Variants in ECE2 observed in about 807,000 individuals in gnomAD.
ECE2 encodes the protein endothelin-converting enzyme 2.
ECE2 carries 81 observed loss-of-function variants against 100.6 expected under a neutral mutation model. The ratio of observed to expected loss-of-function variants is 0.81; its 90% confidence interval spans 0.67 to 0.97. The LOEUF (loss-of-function observed/expected upper bound fraction) is 0.97. ECE2 is among the 50% of genes least tolerant of loss of function. The pLI is 0.00. For synonymous variants in ECE2, 391 were observed against 391.5 expected, an observed-to-expected ratio of 1.00 and a Z score of 0.02; for missense variants, 911 against 988.1, an observed-to-expected ratio of 0.92 and a Z score of 1.05.
chr3:184,291,123 A>G lies in ECE2; in HGVS notation c.1918A>G (p.Met640Val), dbSNP rs1356035217. ...AGCCTTCCGGAACCACACGGCCTGC[A>G]TGGAGGAACAGTACAATCAATACCA... ...LAAFRNHTAC[M>V]EEQYNQYQVN... The change falls in exon 17 of 19, where the codon ATG becomes GTG. Residue 640 changes from methionine to valine, a missense_variant. Physicochemically the swap from Met to Val is conservative, Grantham distance 21. Transcript: ENST00000404464. This position sits in a 1 kb window ranked among gnomAD's most constrained non-coding sequence, Gnocchi z 4.1. 1 of 1,612,182 alleles carries G rather than the reference A, an allele frequency of 6.2e-7. No individual in the cohort carries two copies.
rs1720974653 is a variant in ECE2 at position 184,285,072 on chromosome 3, A to G, written c.1115A>G (p.Gln372Arg). 1.2e-6 allele frequency: 2 copies of G among 1,614,196 alleles called. No individual in the cohort carries two copies. The highest frequency in any genetic ancestry group is 1.7e-6 in the Non-Finnish European group (2 of 1,180,030). ...GTGTATGGGATGGATTATTTGCAGC[A>G]GGTGTCAGAGCTCATCAACCGCACG... ...VVVYGMDYLQ[Q>R]VSELINRTEP... The change falls in exon 9 of 19, where the codon CAG becomes CGG. Residue 372 changes from glutamine (Q) to arginine (R), a missense_variant. Physicochemically the swap from Gln to Arg is conservative, Grantham distance 43. Coordinates refer to ENST00000404464, the MANE Select transcript of ECE2 (RefSeq NM_001100121.2).
intron 8 of ECE2, 123 bp downstream of exon 8, chr3:184,284,096 G>T: frequency 8.2e-7 from 1 of 1,223,742 alleles, no homozygotes; most frequent in Middle Eastern, 2.8e-4. Context: ...GCTTTTCTGT[G>T]CTCCCCAGCT....
At chr3:184,278,606 C>T in intron 7 of ECE2, 49 bp downstream of exon 7, 2 of 1,596,812 alleles carry the variant, frequency 1.3e-6, no homozygotes, top group South Asian at 1.1e-5. Flanking sequence ...CTGAGCTGGG[C>T]TGATCCCTGT....
chr3:184,277,290 G>A lies in ECE2; in HGVS notation c.302G>A (p.Arg101Gln), dbSNP rs376290550. ...ACCTGCCTTACAGAGGCCTGCATTC[G>A]AGTGGCTGGAAAAATCCTGGAGTCC... The part of the protein sequence containing the change: ...HSTCLTEACI[R>Q]VAGKILESLD... The change falls in exon 4 of 19, where the codon CGA (arginine) becomes CAA (glutamine). Residue 101 changes from arginine (R) to glutamine (Q), a missense_variant. Transcript: ENST00000404464. The A allele has an allele frequency of 5.4e-5, 87 of 1,614,074 alleles. 1 individual carries two copies. Among genetic ancestry groups the A allele is most frequent in the Middle Eastern group, 3.3e-4 (2 of 6,084 alleles).
At chr3:184,287,560 T>A (rs1721112425) in intron 10 of ECE2, among the ~76,000 whole-genome samples, 1 of 152,092 alleles carries the variant, frequency 6.6e-6, no homozygotes, top group Admixed American at 6.6e-5. Flanking sequence ...CTGGGTGTGG[T>A]GGCATGTGCC....
Position 184,291,667 on chromosome 3 carries a change from A to G in ECE2, c.2121+228A>G. On this transcript the variant is annotated intron_variant, in intron 18 of 18. Coordinates refer to ENST00000404464, the MANE Select transcript of ECE2 (RefSeq NM_001100121.2). This position sits in a 1 kb window ranked among gnomAD's most constrained non-coding sequence, Gnocchi z 4.1. Reference sequence around the variant, plus strand: ...GGAGAATGCCTTGGTAGGATTTCGCATAGTTCAAAGGGCAAGGTTGTCGTG... The same window carrying G: ...GGAGAATGCCTTGGTAGGATTTCGCGTAGTTCAAAGGGCAAGGTTGTCGTG... The G allele has an allele frequency of 1.9e-6, 1 of 525,434 alleles. No homozygotes were observed. Among genetic ancestry groups the G allele is most frequent in the Non-Finnish European group, 3.3e-6 (1 of 299,712 alleles). 32.5% of individuals were successfully genotyped at this position (525,434 alleles called of 1,614,324 possible).
Position 184,291,371 on chromosome 3 carries a change from G to A in ECE2, c.2053G>A (p.Gly685Arg). The change falls in exon 18 of 19, where the codon GGG becomes AGG. Residue 685 changes from glycine to arginine, a missense_variant. Coordinates refer to ENST00000404464, the MANE Select transcript of ECE2 (RefSeq NM_001100121.2). The surrounding 1 kb of genome is among the most constrained non-coding windows in gnomAD (Gnocchi z 4.1). Reference sequence around the variant, plus strand: ...TTACAAAGCATGGCTGAGAAAGCATGGGGAGGAGCAGCAACTGCCAGCCGT... The same window carrying A: ...TTACAAAGCATGGCTGAGAAAGCATAGGGAGGAGCAGCAACTGCCAGCCGT... ...NAYKAWLRKH[G>R]EEQQLPAVGL... is the part of the protein sequence containing the mutation. 1 of 1,609,042 alleles carries A rather than the reference G, an allele frequency of 6.2e-7. No homozygotes were observed. Among genetic ancestry groups the A allele is most frequent in the East Asian group, 2.2e-5 (1 of 44,868 alleles).
At position 184,291,518 on chromosome 3, in the gene ECE2, G is replaced by A; in HGVS notation, c.2121+79G>A. 2 of 1,335,870 alleles carry A rather than the reference G, an allele frequency of 1.5e-6. No homozygotes were observed. The highest frequency in any genetic ancestry group is 2.5e-5 in the East Asian group (1 of 39,498). 82.8% of individuals were successfully genotyped at this position (1,335,870 alleles called of 1,614,324 possible). On this transcript the variant is annotated intron_variant, in intron 18 of 18. Transcript: ENST00000404464. This position sits in a 1 kb window ranked among gnomAD's most constrained non-coding sequence, Gnocchi z 4.1. The stretch of plus-strand genomic sequence containing the variant: ...AGTATGTCATTAGGAGAACTCTGGG[G>A]CACGTGTCAAACGGGCTGGTGAATG...
chr3:184,290,538 C>A lies in ECE2; in HGVS notation c.1656-19C>A. On this transcript the variant is annotated intron_variant, in intron 14 of 18. Coordinates refer to ENST00000404464, the MANE Select transcript of ECE2 (RefSeq NM_001100121.2). Reference sequence around the variant, plus strand: ...TCAGGAGAGTCGGGAGCCTCAGCCCCTCACTCTTCCTCCGCCAGGTGGAGC... The same window carrying A: ...TCAGGAGAGTCGGGAGCCTCAGCCCATCACTCTTCCTCCGCCAGGTGGAGC... 6.2e-7 allele frequency: 1 copy of A among 1,611,326 alleles called. No individual in the cohort carries two copies. Among genetic ancestry groups the A allele is most frequent in the Non-Finnish European group, 8.5e-7 (1 of 1,177,924 alleles).
intron 7 of ECE2, among the ~76,000 whole-genome samples, chr3:184,280,847 C>T (rs551414640): frequency 9.9e-5 from 15 of 152,074 alleles, no homozygotes; most frequent in African/African-American, 2.2e-4. Context: ...GACGTGGTGG[C>T]GGGTGCCTGT....
Position 184,291,565 on chromosome 3 carries a change from AG to A in ECE2, c.2121+128del. On this transcript the variant is annotated intron_variant, in intron 18 of 18. Transcript: ENST00000404464. The surrounding 1 kb of genome is among the most constrained non-coding windows in gnomAD (Gnocchi z 4.1). ...AATGGGGCTGAGGCTGGGGCATGAA[AG>A]GTGGGCTGGGAAGGCCCATGCCCAG... The A allele has an allele frequency of 1.0e-6, 1 of 1,001,424 alleles. No homozygotes were observed. The highest frequency in any genetic ancestry group is 3.3e-5 in the Admixed American group (1 of 30,016). 62.0% of individuals were successfully genotyped at this position (1,001,424 alleles called of 1,614,324 possible). A position where few individuals can be genotyped will look rare whatever the true frequency, so the allele number is the denominator to read the frequency against.
rs377161686 is a variant in ECE2, at chr3:184,291,105, C to T, written c.1900C>T (p.Arg634Trp). ...WWQNESLAAFRNHTACMEEQY... is the reference protein window; with the variant it reads ...WWQNESLAAFWNHTACMEEQY... ...GCAGAATGAGTCCCTGGCAGCCTTC[C>T]GGAACCACACGGCCTGCATGGAGGA... Residue 634 changes from arginine (R) to tryptophan (W), a missense_variant, in exon 17 of 19, where the codon CGG becomes TGG. Physicochemically the swap from Arg to Trp is moderately radical, Grantham distance 101. Coordinates refer to ENST00000404464, the MANE Select transcript of ECE2 (RefSeq NM_001100121.2). The surrounding 1 kb of genome is among the most constrained non-coding windows in gnomAD (Gnocchi z 4.1). 37 of 1,604,482 alleles carry T rather than the reference C, an allele frequency of 2.3e-5. No homozygotes were observed. The highest frequency in any genetic ancestry group is 4.5e-5 in the East Asian group (2 of 44,740).
intron 11 of ECE2, among the ~76,000 whole-genome samples, chr3:184,288,327 A>G (rs978229364): frequency 3.3e-3 from 497 of 148,920 alleles, no homozygotes; most frequent in Middle Eastern, 0.011. Flanking sequence ...AAAAAAAAAA[A>G]AAAAGAAAAG....
At chr3:184,278,949 C>T (rs567038983) in intron 7 of ECE2, 26 of 206,600 alleles carry the variant, frequency 1.3e-4, no homozygotes, top group Non-Finnish European at 2.4e-4. Flanking sequence ...GCAAAGTCTT[C>T]CTGAAGAGAT....
Position 184,284,995 on chromosome 3 carries a change from C to T in ECE2, c.1038C>T (p.Phe346=). Residue 346 remains phenylalanine, a synonymous_variant, in exon 9 of 19, where the codon TTC becomes TTT. Coordinates refer to ENST00000404464, the MANE Select transcript of ECE2 (RefSeq NM_001100121.2). ...CGCCCTCCATGGACTGGCTTGAGTT[C>T]CTGTCTTTCTTGCTGTCACCATTGG... The part of the protein sequence containing the change: ...ALAPSMDWLE[F]LSFLLSPLEL... 6.2e-7 allele frequency: 1 copy of T among 1,614,120 alleles called. No homozygotes were observed. Among genetic ancestry groups the T allele is most frequent in the Non-Finnish European group, 8.5e-7 (1 of 1,180,008 alleles).
At chr3:184,284,088 T>G in intron 8 of ECE2, 115 bp downstream of exon 8, 1 of 1,294,546 alleles carries the variant, frequency 7.7e-7, no homozygotes, top group African/African-American at 1.5e-5. Flanking sequence ...ATTCCCTTGC[T>G]TTTCTGTGCT....
rs1289884835 is a variant in ECE2 at position 184,277,547 on chromosome 3, A to G, written c.478+81A>G. ...AGGGCCTGGCACTTAGCAAATAGGC[A>G]GTGTCCATGAATGAGGAAGTGGATG... is the stretch of plus-strand genomic sequence containing the variant. On this transcript the variant is annotated intron_variant, in intron 4 of 18. Coordinates refer to ENST00000404464, the MANE Select transcript of ECE2 (RefSeq NM_001100121.2). The G allele has an allele frequency of 1.1e-5, 16 of 1,443,700 alleles. 1 individual carries two copies. The highest frequency in any genetic ancestry group is 1.4e-5 in the Non-Finnish European group (15 of 1,053,658). 89.4% of individuals were successfully genotyped at this position (1,443,700 alleles called of 1,614,324 possible).
At position 184,292,131 on chromosome 3, in the gene ECE2, C is replaced by T. The variant is rs755706353; in HGVS notation, c.2191C>T (p.Arg731Cys). Residue 731 changes from arginine to cysteine, a missense_variant, in exon 19 of 19, where the codon CGC (arginine) becomes TGC (cysteine). Arg to Cys is a radical substitution (Grantham distance 180). Transcript: ENST00000404464. The stretch of plus-strand genomic sequence containing the variant: ...GGTGACCGACCCCCACAGCCCTGCC[C>T]GCTTCCGCGTGCTGGGCACTCTCTC... The part of the protein sequence containing the change: ...GLVTDPHSPA[R>C]FRVLGTLSNS... The T allele has an allele frequency of 3.7e-6, 6 of 1,613,916 alleles. No individual in the cohort carries two copies. In the African/African-American group the frequency reaches 4.0e-5, roughly 11 times the overall value.
Position 184,291,196 on chromosome 3 carries a change from T to G in ECE2, c.1991T>G (p.Ile664Ser). Residue 664 changes from isoleucine (I) to serine (S), a missense_variant, in exon 17 of 19, where the codon ATT becomes AGT. By Grantham distance (142) the Ile-to-Ser change is moderately radical. Transcript: ENST00000404464. This position sits in a 1 kb window ranked among gnomAD's most constrained non-coding sequence, Gnocchi z 4.1. Reference sequence around the variant, plus strand: ...GGCCGCCAGACGCTGGGGGAGAACATTGCTGACAACGGGGGGCTGAAGGCT... The same window carrying G: ...GGCCGCCAGACGCTGGGGGAGAACAGTGCTGACAACGGGGGGCTGAAGGCT... ...LNGRQTLGEN[I>S]ADNGGLKAAY... 6.2e-7 allele frequency: 1 copy of G among 1,613,494 alleles called. No individual in the cohort carries two copies. Among genetic ancestry groups the G allele is most frequent in the Non-Finnish European group, 8.5e-7 (1 of 1,179,778 alleles).
Sources: allele counts gnomAD v4.1 joint callset (sites outside exome capture counted in the v4.1 genomes callset), GRCh38; gene constraint gnomAD v4.1.1; non-coding constraint Gnocchi (gnomAD v3.1); transcripts MANE v1.5; gene names NCBI Gene and HGNC (gene_info 2026-07-23, HGNC 2026-07-21).